The following JAGN1 variants were observed in gnomAD, a reference collection of about 807,000 sequenced individuals.
The protein encoded by JAGN1 is jagunal vesicle mediated transporter 1.
JAGN1 carries 13 observed loss-of-function variants against 17.1 expected under a neutral mutation model. The ratio of observed to expected loss-of-function variants is 0.76; its 90% CI spans 0.49 to 1.21. The LOEUF is 1.21. Among genes scored for constraint, JAGN1 ranks in the 50% most tolerant of loss-of-function variants. The pLI is 0.00. For synonymous variants in JAGN1, 111 were observed against 91.0 expected, an observed-to-expected ratio of 1.22 and a Z score of -1.25; for missense variants, 256 against 234.2, an observed-to-expected ratio of 1.09 and a Z score of -0.61.
chr3:9,893,171 A>G lies in JAGN1; in HGVS notation c.346A>G (p.Ile116Val), dbSNP rs1467031121. The change falls in exon 2 of 2, where the codon ATT becomes GTT. Residue 116 changes from isoleucine to valine, a missense_variant. By Grantham distance (29) the Ile-to-Val change is conservative. Coordinates refer to ENST00000647897, the MANE Select transcript of JAGN1 (RefSeq NM_032492.4). ...SMGLFSIAPL[I>V]YGSMEMFPAA... ...GGGACTCTTTTCCATCGCTCCACTC[A>G]TTTATGGCAGCATGGAGATGTTCCC... 6.2e-7 allele frequency: 1 copy of G among 1,614,132 alleles called. No individual in the cohort carries two copies. The highest frequency in any genetic ancestry group is 1.3e-5 in the African/African-American group (1 of 75,026).
Position 9,893,489 on chromosome 3 carries a change from G to C in JAGN1, c.*112G>C. The C allele has an allele frequency of 2.3e-6, 2 of 863,474 alleles. No homozygotes were observed. Among genetic ancestry groups the C allele is most frequent in the South Asian group, 3.7e-5 (2 of 54,568 alleles). The allele number at this position is 863,474 out of a possible 1,614,324, so 53.5% of individuals were successfully genotyped here. A position where few individuals can be genotyped will look rare whatever the true frequency, so the allele number is the denominator to read the frequency against. ...AGCTGTGATGTTGGTACCTGGTGCAGACCAGGCCAAAGTTCTGGAAAGCTC... is the reference window on the plus strand; with the variant it reads ...AGCTGTGATGTTGGTACCTGGTGCACACCAGGCCAAAGTTCTGGAAAGCTC... On this transcript the variant is annotated 3_prime_UTR_variant, in exon 2 of 2. Coordinates refer to ENST00000647897, the MANE Select transcript of JAGN1 (RefSeq NM_032492.4).
Position 9,890,700 on chromosome 3 carries a change from T to G in JAGN1, c.-23T>G. On this transcript the variant is annotated 5_prime_UTR_variant, in exon 1 of 2. Transcript: ENST00000647897. ...TGCGGTACCAGGTCCGCGTGAGGGG[T>G]TCGGGGGTTCTGGGCAGGCACAATG... 6.3e-7 allele frequency: 1 copy of G among 1,594,946 alleles called. No individual in the cohort carries two copies. Among genetic ancestry groups the G allele is most frequent in the Non-Finnish European group, 8.5e-7 (1 of 1,171,682 alleles).
intron 1 of JAGN1, 80 bp downstream of exon 1, chr3:9,890,891 C>T (rs1319338215): frequency 7.9e-7 from 1 of 1,265,804 alleles, no homozygotes; most frequent in African/African-American, 1.5e-5. Context: ...CCGGCCCGGC[C>T]TCAGGGTCTT....
rs201464438 is a variant in JAGN1 at position 9,893,416 on chromosome 3, A to T, written c.*39A>T. On this transcript the variant is annotated 3_prime_UTR_variant, in exon 2 of 2. Coordinates refer to ENST00000647897, the MANE Select transcript of JAGN1 (RefSeq NM_032492.4). ...TGAAGCCTGGACATCCCATCGAATG[A>T]AAGGACACTAGTACAGCGGTTCCAA... 8.1e-6 allele frequency: 12 copies of T among 1,475,040 alleles called. No homozygotes were observed. Among genetic ancestry groups the T allele is most frequent in the Non-Finnish European group, 1.0e-5 (11 of 1,087,768 alleles). 91.4% of individuals were successfully genotyped at this position (1,475,040 alleles called of 1,614,324 possible).
Position 9,892,964 on chromosome 3 carries a change from A to G in JAGN1, c.139A>G (p.Ile47Val), listed in dbSNP as rs1559259965. ...GAAGCTGATCTACGTACATCTGGTC[A>G]TATGGCTGCTGCTGGTTGCTAAGAT... ...IKKLIYVHLVIWLLLVAKMSV... is the reference protein window; with the variant it reads ...IKKLIYVHLVVWLLLVAKMSV... The change falls in exon 2 of 2, where the codon ATA (isoleucine) becomes GTA (valine). Residue 47 changes from isoleucine to valine, a missense_variant. Physicochemically the swap from Ile to Val is conservative, Grantham distance 29. Coordinates refer to ENST00000647897, the MANE Select transcript of JAGN1 (RefSeq NM_032492.4). The G allele has an allele frequency of 7.4e-6, 12 of 1,614,228 alleles. No individual in the cohort carries two copies. The highest frequency in any genetic ancestry group is 8.5e-6 in the Non-Finnish European group (10 of 1,180,030).
intron 1 of JAGN1, among the ~76,000 whole-genome samples, chr3:9,892,460 C>CCA (rs1324300755): frequency 1.3e-5 from 2 of 151,532 alleles, no homozygotes; most frequent in African/African-American, 2.4e-5. Context: ...GAGTTGTGAG[C>CCA]CCAGCCTCTT....
In JAGN1 at chr3:9,890,888, G is replaced by A. The variant is rs1328724045; in HGVS notation, c.89+77G>A. Reference sequence around the variant, plus strand: ...GGGGCTTGGGGAGCGACGCCGGCCCGGCCTCAGGGTCTTGCTCCCCAGCCA... The same window carrying A: ...GGGGCTTGGGGAGCGACGCCGGCCCAGCCTCAGGGTCTTGCTCCCCAGCCA... On this transcript the variant is annotated intron_variant, in intron 1 of 1. Coordinates refer to ENST00000647897, the MANE Select transcript of JAGN1 (RefSeq NM_032492.4). The A allele has an allele frequency of 3.9e-6, 5 of 1,281,742 alleles. No homozygotes were observed. In the East Asian group the frequency reaches 8.0e-5, roughly 20 times the overall value. 79.4% of individuals were successfully genotyped at this position (1,281,742 alleles called of 1,614,324 possible). A position where few individuals can be genotyped will look rare whatever the true frequency, so the allele number is the denominator to read the frequency against.
chr3:9,891,876 G>C (rs2082564719), intron 1 of JAGN1, among the ~76,000 whole-genome samples: 1 of 152,154 alleles, frequency 6.6e-6, no homozygotes, highest in Non-Finnish European at 1.5e-5. Flanking sequence ...AAAAAATCTA[G>C]CTGGAGAAGT....
Position 9,890,759 on chromosome 3 carries a change from G to A in JAGN1, c.37G>A (p.Asp13Asn), listed in dbSNP as rs2125060281. 6.2e-7 allele frequency: 1 copy of A among 1,610,254 alleles called. No individual in the cohort carries two copies. The highest frequency in any genetic ancestry group is 8.5e-7 in the Non-Finnish European group (1 of 1,178,958). Residue 13 changes from aspartate to asparagine, a missense_variant, in exon 1 of 2, where the codon GAC (aspartate) becomes AAC (asparagine). By Grantham distance (23) the Asp-to-Asn change is conservative. Coordinates refer to ENST00000647897, the MANE Select transcript of JAGN1 (RefSeq NM_032492.4). Reference protein sequence around the residue: ...SRAGPRAAGTDGSDFQHRERV... With the variant: ...SRAGPRAAGTNGSDFQHRERV... ...AGCAGGCCCGCGAGCGGCCGGCACC[G>A]ACGGCAGCGACTTTCAGCACCGGGA...
chr3:9,890,768 G>A lies in JAGN1; in HGVS notation c.46G>A (p.Asp16Asn). ...GCGAGCGGCCGGCACCGACGGCAGC[G>A]ACTTTCAGCACCGGGAGCGCGTCGC... ...GPRAAGTDGS[D>N]FQHRERVAMH... Residue 16 changes from aspartate to asparagine, a missense_variant, in exon 1 of 2, where the codon GAC becomes AAC. By Grantham distance (23) the Asp-to-Asn change is conservative (BLOSUM62 1). Coordinates refer to ENST00000647897, the MANE Select transcript of JAGN1 (RefSeq NM_032492.4). The A allele has an allele frequency of 1.9e-6, 3 of 1,610,632 alleles. No individual in the cohort carries two copies. Among genetic ancestry groups the A allele is most frequent in the Non-Finnish European group, 2.5e-6 (3 of 1,178,978 alleles).
At position 9,890,673 on chromosome 3, in the gene JAGN1, G is replaced by T. The variant is rs1033834612; in HGVS notation, c.-50G>T. ...GGTCAGTGGGCCGCTTGGCGGTGTC[G>T]TTGCGGTACCAGGTCCGCGTGAGGG... is the stretch of plus-strand genomic sequence containing the variant. On this transcript the variant is annotated 5_prime_UTR_variant, in exon 1 of 2. Transcript: ENST00000647897. The T allele has an allele frequency of 2.6e-6, 4 of 1,544,218 alleles. No homozygotes were observed. Among genetic ancestry groups the T allele is most frequent in the Non-Finnish European group, 3.5e-6 (4 of 1,134,444 alleles).
At chr3:9,891,306 G>A (rs1162043537) in intron 1 of JAGN1, among the ~76,000 whole-genome samples, 1 of 152,182 alleles carries the variant, frequency 6.6e-6, no homozygotes, top group African/African-American at 2.4e-5. Flanking sequence ...CTTTCCTAAG[G>A]ACGCCTTGCC....
In JAGN1 at chr3:9,890,681, A is replaced by T; in HGVS notation, c.-42A>T. 6.4e-7 allele frequency: 1 copy of T among 1,565,558 alleles called. No homozygotes were observed. The highest frequency in any genetic ancestry group is 1.3e-5 in the African/African-American group (1 of 74,264). ...GGCCGCTTGGCGGTGTCGTTGCGGT[A>T]CCAGGTCCGCGTGAGGGGTTCGGGG... is the stretch of plus-strand genomic sequence containing the variant. On this transcript the variant is annotated 5_prime_UTR_variant, in exon 1 of 2. Transcript: ENST00000647897.
Position 9,893,203 on chromosome 3 carries a change from ACAG to A in JAGN1, c.383_385del (p.Gln128del), listed in dbSNP as rs1269871005. The A allele has an allele frequency of 1.2e-6, 2 of 1,614,182 alleles. No individual in the cohort carries two copies. The highest frequency in any genetic ancestry group is 2.2e-5 in the South Asian group (2 of 91,082). ...GCAGCATGGAGATGTTCCCTGCTGC[ACAG>A]CAGCTCTACCGCCATGGCAAGGCCT... is the stretch of plus-strand genomic sequence containing the variant. On this transcript the variant is annotated inframe_deletion, in exon 2 of 2. Transcript: ENST00000647897.
intron 1 of JAGN1, among the ~76,000 whole-genome samples, chr3:9,891,254 T>C (rs1306811736): frequency 6.6e-6 from 1 of 152,230 alleles, no homozygotes; most frequent in African/African-American, 2.4e-5. Flanking sequence ...GTAGGTGTTA[T>C]ATTTTGGGCC....
At chr3:9,892,263 G>A (rs374657176) in intron 1 of JAGN1, among the ~76,000 whole-genome samples, 2 of 151,784 alleles carry the variant, frequency 1.3e-5, no homozygotes, top group African/African-American at 4.8e-5. Flanking sequence ...TGATCTGCCC[G>A]CCTCGGCCTC....
chr3:9,894,115 T>C lies in JAGN1; in HGVS notation c.*738T>C, dbSNP rs915619917. The C allele has an allele frequency of 1.3e-5, 2 of 152,248 alleles. No homozygotes were observed. Among genetic ancestry groups the C allele is most frequent in the Non-Finnish European group, 2.9e-5 (2 of 68,064 alleles). The allele number at this position is 152,248 out of a possible 1,614,324, so 9.4% of individuals were successfully genotyped here. Reference sequence around the variant, plus strand: ...CTTAGGTTATGGGCTCTTCTTTTAGTTGGATATTCACATTTATCTTTCAGT... The same window carrying C: ...CTTAGGTTATGGGCTCTTCTTTTAGCTGGATATTCACATTTATCTTTCAGT... On this transcript the variant is annotated 3_prime_UTR_variant, in exon 2 of 2. Coordinates refer to ENST00000647897, the MANE Select transcript of JAGN1 (RefSeq NM_032492.4).
In JAGN1 at chr3:9,893,533, G is replaced by A. The variant is rs2082577482; in HGVS notation, c.*156G>A. 3.3e-6 allele frequency: 2 copies of A among 614,526 alleles called. No homozygotes were observed. Among genetic ancestry groups the A allele is most frequent in the Non-Finnish European group, 5.6e-6 (2 of 359,220 alleles). 38.1% of individuals were successfully genotyped at this position (614,526 alleles called of 1,614,324 possible). On this transcript the variant is annotated 3_prime_UTR_variant, in exon 2 of 2. Coordinates refer to ENST00000647897, the MANE Select transcript of JAGN1 (RefSeq NM_032492.4). Reference sequence around the variant, plus strand: ...AAAGCTCCTTTTGCCATCTGCTGAGGTGGCAAAACTATAATTTATTCCTGG... The same window carrying A: ...AAAGCTCCTTTTGCCATCTGCTGAGATGGCAAAACTATAATTTATTCCTGG...
At position 9,892,976 on chromosome 3, in the gene JAGN1, C is replaced by G. The variant is rs1283523342; in HGVS notation, c.151C>G (p.Leu51Val). 1.2e-6 allele frequency: 2 copies of G among 1,614,186 alleles called. No individual in the cohort carries two copies. The highest frequency in any genetic ancestry group is 8.5e-7 in the Non-Finnish European group (1 of 1,180,020). The change falls in exon 2 of 2, where the codon CTG becomes GTG. Residue 51 changes from leucine (L) to valine (V), a missense_variant. By Grantham distance (32) the Leu-to-Val change is conservative. Transcript: ENST00000647897. ...CGTACATCTGGTCATATGGCTGCTG[C>G]TGGTTGCTAAGATGAGCGTGGGACA... ...IYVHLVIWLL[L>V]VAKMSVGHLR... is the part of the protein sequence containing the mutation.
Sources: gnomAD v4.1 joint callset for allele counts (sites outside exome capture counted in the v4.1 genomes callset) on GRCh38, gnomAD v4.1.1 for gene constraint, MANE v1.5 for transcripts, NCBI Gene and HGNC (gene_info 2026-07-23, HGNC 2026-07-21) for gene names.